GALNTL6: variants seen among roughly 807,000 people sequenced by gnomAD.
GALNTL6 encodes the protein polypeptide N-acetylgalactosaminyltransferase-like 6.
GALNTL6 carries 46 observed loss-of-function variants against 73.7 expected under a neutral mutation model. That is an observed-to-expected ratio of 0.62 (90% CI 0.49 to 0.80). GALNTL6 has a LOEUF of 0.80. Ranked by LOEUF, GALNTL6 falls within the 30% of genes least tolerant of loss-of-function variation. The pLI is 0.00. For missense variants in GALNTL6, 604 were observed against 755.0 expected (o/e 0.80, Z 2.34); for synonymous variants, 259 against 263.7 (o/e 0.98, Z 0.17).
chr4:172,931,786 T>C (rs892136042), intron 9 of GALNTL6, among the ~76,000 whole-genome samples: 7 of 152,210 alleles, frequency 4.6e-5, no homozygotes, highest in African/African-American at 1.7e-4. Flanking sequence ...CATTTCAAAA[T>C]TGGCTCAGTC....
intron 5 of GALNTL6, among the ~76,000 whole-genome samples, chr4:172,461,669 G>A (rs1732624582): frequency 6.6e-6 from 1 of 152,186 alleles, no homozygotes; most frequent in African/African-American, 2.4e-5. Flanking sequence ...TTGTAAAAGA[G>A]AATAAATGAA....
chr4:172,441,054 CTTCA>C (rs759551436), intron 5 of GALNTL6, among the ~76,000 whole-genome samples: 9 of 151,794 alleles, frequency 5.9e-5, no homozygotes, highest in Non-Finnish European at 1.3e-4. Context: ...TTTATGTTTT[CTTCA>C]TTAAATTAAA....
chr4:172,686,295 G>A (rs1217172138), intron 5 of GALNTL6, among the ~76,000 whole-genome samples: 1 of 152,036 alleles, frequency 6.6e-6, no homozygotes, highest in Non-Finnish European at 1.5e-5. Context: ...AACATCAGCA[G>A]GACCTGAGCA....
intron 5 of GALNTL6, among the ~76,000 whole-genome samples, chr4:172,795,006 T>C (rs1409284512): frequency 6.6e-6 from 1 of 152,050 alleles, no homozygotes; most frequent in Non-Finnish European, 1.5e-5. Flanking sequence ...AAAAGAGAAA[T>C]GAGTTCAAGA....
intron 2 of GALNTL6, among the ~76,000 whole-genome samples, chr4:171,848,934 T>A (rs1471100607): frequency 6.6e-6 from 1 of 152,214 alleles, no homozygotes; most frequent in East Asian, 1.9e-4. Context: ...CCTTTTTTTT[T>A]TAATTTGAAT....
intron 5 of GALNTL6, among the ~76,000 whole-genome samples, chr4:172,777,976 T>C (rs942970087): frequency 1.3e-5 from 2 of 152,248 alleles, no homozygotes; most frequent in Non-Finnish European, 2.9e-5. Flanking sequence ...GATCATTTAT[T>C]GCTTTCCATT....
At chr4:172,716,855 T>C (rs1272569253) in intron 5 of GALNTL6, among the ~76,000 whole-genome samples, 1 of 152,184 alleles carries the variant, frequency 6.6e-6, no homozygotes, top group Non-Finnish European at 1.5e-5. Context: ...TTATTTTCTC[T>C]TTAGTCACCC....
intron 2 of GALNTL6, among the ~76,000 whole-genome samples, chr4:171,958,485 AAG>A (rs1273471406): frequency 7.2e-5 from 11 of 152,286 alleles, no homozygotes; most frequent in East Asian, 1.9e-4. Context: ...AAAATTAGGA[AAG>A]AGAGTCATTT....
chr4:172,561,024 C>G (rs1400162351), intron 5 of GALNTL6, among the ~76,000 whole-genome samples: 1 of 151,656 alleles, frequency 6.6e-6, no homozygotes. Context: ...GAGGCCAAGG[C>G]GGGTGGATCA....
At chr4:172,793,482 A>G (rs1440295316) in intron 5 of GALNTL6, among the ~76,000 whole-genome samples, 1 of 152,212 alleles carries the variant, frequency 6.6e-6, no homozygotes, top group Admixed American at 6.5e-5. Flanking sequence ...AACTCACTGC[A>G]GTCCCTTCCA....
chr4:172,867,247 A>G (rs1042654079), intron 7 of GALNTL6, among the ~76,000 whole-genome samples: 9 of 152,196 alleles, frequency 5.9e-5, no homozygotes, highest in Admixed American at 5.2e-4. Flanking sequence ...CATCCCCCCT[A>G]CTTGTAGCTA....
intron 5 of GALNTL6, among the ~76,000 whole-genome samples, chr4:172,521,644 T>G (rs1331572364): frequency 6.6e-6 from 1 of 152,146 alleles, no homozygotes; most frequent in East Asian, 1.9e-4. Context: ...TCATGTAATT[T>G]TAGGGTAATA....
intron 5 of GALNTL6, among the ~76,000 whole-genome samples, chr4:172,604,867 G>T (rs987374480): frequency 6.6e-6 from 1 of 152,176 alleles, no homozygotes; most frequent in African/African-American, 2.4e-5. Flanking sequence ...TCATACATCA[G>T]TCTTCACTAG....
chr4:172,486,334 G>T (rs1217143029), intron 5 of GALNTL6, among the ~76,000 whole-genome samples: 1 of 152,148 alleles, frequency 6.6e-6, no homozygotes, highest in Admixed American at 6.6e-5. Context: ...GAAAGTTGTT[G>T]GGTCTCTATT....
intron 5 of GALNTL6, among the ~76,000 whole-genome samples, chr4:172,595,229 A>G (rs1244744770): frequency 1.3e-5 from 2 of 152,174 alleles, no homozygotes; most frequent in East Asian, 3.9e-4. Flanking sequence ...CAACTGGAGT[A>G]TTTGTGGGTT....
intron 2 of GALNTL6, among the ~76,000 whole-genome samples, chr4:172,179,763 T>C (rs1263802131): frequency 1.3e-5 from 2 of 151,926 alleles, no homozygotes; most frequent in African/African-American, 4.8e-5. Context: ...ATGCCTAGGT[T>C]TTCTTCTAGG....
chr4:172,427,082 C>T (rs1731258712), intron 5 of GALNTL6, among the ~76,000 whole-genome samples: 1 of 152,002 alleles, frequency 6.6e-6, no homozygotes, highest in South Asian at 2.1e-4. Context: ...AGTCATTCAA[C>T]CAAGTCTTGT....
chr4:171,941,296 T>C (rs1738536163), intron 2 of GALNTL6, among the ~76,000 whole-genome samples: 1 of 152,222 alleles, frequency 6.6e-6, no homozygotes, highest in African/African-American at 2.4e-5. Flanking sequence ...ACAAGTACCA[T>C]TTGATCTTCA....
At chr4:172,652,452 G>A (rs915394803) in intron 5 of GALNTL6, among the ~76,000 whole-genome samples, 2 of 152,312 alleles carry the variant, frequency 1.3e-5, no homozygotes, top group Admixed American at 6.5e-5. Flanking sequence ...GTGTCCTGAG[G>A]TGGGAAAAGC....
Sources: gnomAD v4.1 joint callset for allele counts (sites outside exome capture counted in the v4.1 genomes callset) on GRCh38, gnomAD v4.1.1 for gene constraint, MANE v1.5 for transcripts, NCBI Gene and HGNC (gene_info 2026-07-23, HGNC 2026-07-21) for gene names.